Variants in USH2A observed in about 807,000 individuals in gnomAD.
USH2A encodes Usher syndrome 2A (autosomal recessive, mild).
In USH2A, 443 loss-of-function variants were observed where a neutral mutation model predicts 538.9. That is an observed-to-expected ratio of 0.82 (90% CI 0.76 to 0.89). The LOEUF is 0.89. Ranked by LOEUF, USH2A falls within the 40% of genes least tolerant of loss-of-function variation. USH2A has a pLI of 0.00. For missense variants in USH2A, 6,633 were observed against 6,324.8 expected (o/e 1.05, Z -1.65); for synonymous variants, 2,413 against 2,273.5 (o/e 1.06, Z -1.75).
chr1:216,298,657 G>T lies in USH2A; in HGVS notation c.1645-6287C>A, dbSNP rs181086913. 1.4e-3 allele frequency among the ~76,000 whole-genome samples: 213 copies of T among 152,270 alleles called. 1 individual carries two copies. Among genetic ancestry groups the T allele is most frequent in the African/African-American group, 4.9e-3 (204 of 41,558 alleles). On this transcript the variant is annotated intron_variant, in intron 9 of 71. Coordinates refer to ENST00000307340, the MANE Select transcript of USH2A (RefSeq NM_206933.4). The stretch of plus-strand genomic sequence containing the variant: ...TTTCCTGAAGAAAACAAGCATAGCT[G>T]TTATTTTTTGATTCTCAAATTATTA...
intron 40 of USH2A, among the ~76,000 whole-genome samples, chr1:215,895,622 A>T (rs967329308): frequency 6.6e-6 from 1 of 152,196 alleles, no homozygotes; most frequent in Admixed American, 6.5e-5. Flanking sequence ...GGGAAAAGTA[A>T]AGCAGGACCC....
At chr1:215,797,271 A>T (rs1662169691) in intron 50 of USH2A, among the ~76,000 whole-genome samples, 1 of 152,234 alleles carries the variant, frequency 6.6e-6, no homozygotes, top group Non-Finnish European at 1.5e-5. Flanking sequence ...AGCCATCTTC[A>T]TAACATAAAA....
intron 67 of USH2A, among the ~76,000 whole-genome samples, chr1:215,646,860 T>G (rs113093190): frequency 3.0e-4 from 45 of 152,192 alleles, no homozygotes; most frequent in African/African-American, 1.1e-3. Context: ...TTTCTGTGCC[T>G]TTTCTATGTT....
At chr1:215,627,950 CAG>C (rs1320484907) in intron 71 of USH2A, among the ~76,000 whole-genome samples, 3 of 152,218 alleles carry the variant, frequency 2.0e-5, no homozygotes, top group African/African-American at 7.2e-5. Context: ...TGTAGCCGCT[CAG>C]AGACTGATAA....
chr1:215,954,733 T>A (rs1571843750), intron 37 of USH2A, among the ~76,000 whole-genome samples: 1 of 152,052 alleles, frequency 6.6e-6, no homozygotes, highest in Admixed American at 6.6e-5. Context: ...AAAAAAACAA[T>A]TGAAAATTTG....
At chr1:216,171,617 T>C (rs1390010464) in intron 21 of USH2A, among the ~76,000 whole-genome samples, 1 of 152,094 alleles carries the variant, frequency 6.6e-6, no homozygotes, top group African/African-American at 2.4e-5. Context: ...TAATAGCTAA[T>C]GTTTAATGAG....
At position 216,364,938 on chromosome 1, in the gene USH2A, A is replaced by G; in HGVS notation, c.784+15T>C. 6.2e-7 allele frequency: 1 copy of G among 1,613,280 alleles called. No individual in the cohort carries two copies. Among genetic ancestry groups the G allele is most frequent in the East Asian group, 2.2e-5 (1 of 44,782 alleles). ...ATTGGATGAAATAAATAACATTCTG[A>G]AGTCAGAAACTTACCATTTAAACTC... is the stretch of plus-strand genomic sequence containing the variant. On this transcript the variant is annotated intron_variant, in intron 4 of 71. Coordinates refer to ENST00000307340, the MANE Select transcript of USH2A (RefSeq NM_206933.4).
At chr1:215,974,894 G>A (rs1667586169) in intron 35 of USH2A, among the ~76,000 whole-genome samples, 1 of 152,092 alleles carries the variant, frequency 6.6e-6, no homozygotes, top group African/African-American at 2.4e-5. Context: ...TCTGTTTTAA[G>A]TTCTTTGAAA....
chr1:215,733,759 T>C (rs1217498572), intron 60 of USH2A, among the ~76,000 whole-genome samples: 1 of 152,184 alleles, frequency 6.6e-6, no homozygotes, highest in Non-Finnish European at 1.5e-5. Flanking sequence ...AGCTCCAAAA[T>C]AGTCTCCATT....
In USH2A at chr1:215,798,915, C is replaced by T. The variant is rs140746096; in HGVS notation, c.9950G>A (p.Arg3317His). 43 of 1,614,014 alleles carry T rather than the reference C, an allele frequency of 2.7e-5. No individual in the cohort carries two copies. Among genetic ancestry groups the T allele is most frequent in the South Asian group, 6.6e-5 (6 of 91,074 alleles). The stretch of plus-strand genomic sequence containing the variant: ...AGACCTGGGCCCCTTACCTGGAAGG[C>T]GATTGTACACCACTCCTTCTTCTCC... ...CGGEEGVVYNRLPGMFCCGQD... is the reference protein window; with the variant it reads ...CGGEEGVVYNHLPGMFCCGQD... Residue 3317 changes from arginine to histidine, a missense_variant, in exon 50 of 72, where the codon CGC (arginine) becomes CAC (histidine). By Grantham distance (29) the Arg-to-His change is conservative. Coordinates refer to ENST00000307340, the MANE Select transcript of USH2A (RefSeq NM_206933.4).
At chr1:215,667,951 C>A (rs1258374250) in intron 64 of USH2A, among the ~76,000 whole-genome samples, 2 of 152,048 alleles carry the variant, frequency 1.3e-5, no homozygotes, top group African/African-American at 2.4e-5. Flanking sequence ...GGAGCCCCAG[C>A]TGATACTTGC....
intron 37 of USH2A, among the ~76,000 whole-genome samples, chr1:215,963,531 C>T (rs571005): frequency 0.84 from 128,266 of 152,104 alleles, 54,226 homozygotes; most frequent in East Asian, 0.98. Flanking sequence ...AATGTTATCA[C>T]GAAGGAGTTC....
At chr1:216,050,091 T>C (rs944289233) in intron 30 of USH2A, among the ~76,000 whole-genome samples, 1 of 152,268 alleles carries the variant, frequency 6.6e-6, no homozygotes, top group Non-Finnish European at 1.5e-5. Flanking sequence ...TCCCAGATCA[T>C]GACCTACGTT....
intron 27 of USH2A, among the ~76,000 whole-genome samples, chr1:216,077,377 T>C (rs981122299): frequency 6.6e-6 from 1 of 151,694 alleles, no homozygotes; most frequent in Non-Finnish European, 1.5e-5. Flanking sequence ...ACACCCCACA[T>C]TTTTTTTCCA....
chr1:216,047,624 T>G (rs1258165055), intron 31 of USH2A, among the ~76,000 whole-genome samples: 1 of 152,134 alleles, frequency 6.6e-6, no homozygotes, highest in Non-Finnish European at 1.5e-5. Context: ...TCCTTTCTGT[T>G]ACATATCTTC....
chr1:215,991,859 T>G (rs554792488), intron 35 of USH2A, among the ~76,000 whole-genome samples: 1 of 152,330 alleles, frequency 6.6e-6, no homozygotes, highest in South Asian at 2.1e-4. Context: ...ATTAACATTT[T>G]CATTGTCATC....
chr1:216,153,048 T>G (rs947177533), intron 21 of USH2A, among the ~76,000 whole-genome samples: 30 of 152,036 alleles, frequency 2.0e-4, no homozygotes, highest in African/African-American at 7.2e-4. Flanking sequence ...ATGCCCAAAC[T>G]CCAGGGGAAG....
intron 38 of USH2A, among the ~76,000 whole-genome samples, chr1:215,927,572 A>C (rs963861810): frequency 2.0e-5 from 3 of 152,092 alleles, no homozygotes; most frequent in Non-Finnish European, 4.4e-5. Context: ...ACCACCAATC[A>C]CAATAGATAA....
chr1:216,241,106 A>C (rs141285915), intron 13 of USH2A, among the ~76,000 whole-genome samples: 338 of 152,332 alleles, frequency 2.2e-3, no homozygotes, highest in African/African-American at 7.8e-3. Flanking sequence ...TTATATAGTC[A>C]TAATAAAGAA....
Sources: gnomAD v4.1 joint callset for allele counts (sites outside exome capture counted in the v4.1 genomes callset) on GRCh38, gnomAD v4.1.1 for gene constraint, MANE v1.5 for transcripts, NCBI Gene and HGNC (gene_info 2026-07-23, HGNC 2026-07-21) for gene names.